PIP4K2A: variants seen among roughly 807,000 people sequenced by gnomAD.
PIP4K2A encodes the protein phosphatidylinositol-5-phosphate 4-kinase type 2 alpha, also known as phosphatidylinositol 5-phosphate 4-kinase type-2 alpha.
Under a neutral mutation model 42.9 loss-of-function variants are expected in PIP4K2A, and 14 were observed. That is an observed-to-expected ratio of 0.33 (90% CI 0.22 to 0.51). The LOEUF (loss-of-function observed/expected upper bound fraction) is 0.51, where lower values mean the gene tolerates loss of function less well. PIP4K2A is among the 20% of genes least tolerant of loss of function. PIP4K2A has a pLI of 0.97. For synonymous variants in PIP4K2A, 192 were observed against 192.2 expected, an observed-to-expected ratio of 1.00 and a Z score of 0.01; for missense variants, 434 against 519.8, an observed-to-expected ratio of 0.83 and a Z score of 1.61.
chr10:22,659,737 G>C (rs1839167370), intron 1 of PIP4K2A: 1 of 152,316 alleles, frequency 6.6e-6, no homozygotes, highest in African/African-American at 2.4e-5. Context: ...GAACCTGGAA[G>C]TGGAAGTTGC....
At chr10:22,653,927 T>C (rs1839042433) in intron 1 of PIP4K2A, among the ~76,000 whole-genome samples, 1 of 152,204 alleles carries the variant, frequency 6.6e-6, no homozygotes, top group South Asian at 2.1e-4. Context: ...AGGTCTGTAT[T>C]CTGAAGAACT....
chr10:22,608,082 C>A, intron 2 of PIP4K2A, 59 bp from the exon 3 acceptor site: 1 of 1,105,266 alleles, frequency 9.0e-7, no homozygotes, highest in Non-Finnish European at 1.4e-6. Context: ...TTGCATCTGC[C>A]ACCACTGAGT....
At chr10:22,566,411 C>T (rs1339160131) in intron 6 of PIP4K2A, among the ~76,000 whole-genome samples, 1 of 152,180 alleles carries the variant, frequency 6.6e-6, no homozygotes, top group African/African-American at 2.4e-5. Context: ...GTGGAATGAA[C>T]ACCTACCTAC....
intron 1 of PIP4K2A, among the ~76,000 whole-genome samples, chr10:22,651,242 C>A (rs928730247): frequency 2.0e-5 from 3 of 152,202 alleles, no homozygotes; most frequent in Non-Finnish European, 2.9e-5. Flanking sequence ...CTGCCTTTCA[C>A]TCTGTCCCTC....
At chr10:22,590,255 T>G (rs970541759) in intron 4 of PIP4K2A, among the ~76,000 whole-genome samples, 1 of 152,244 alleles carries the variant, frequency 6.6e-6, no homozygotes, top group Admixed American at 6.5e-5. Flanking sequence ...CAGCTCAAGC[T>G]GACTAAGGTC....
chr10:22,597,363 G>A (rs148028887), intron 3 of PIP4K2A, among the ~76,000 whole-genome samples: 2 of 152,316 alleles, frequency 1.3e-5, no homozygotes, highest in African/African-American at 4.8e-5. Flanking sequence ...CTGTGGTGAC[G>A]ATGTCAACCC....
At chr10:22,620,887 C>T (rs1456786987) in intron 1 of PIP4K2A, among the ~76,000 whole-genome samples, 1 of 152,242 alleles carries the variant, frequency 6.6e-6, no homozygotes, top group Non-Finnish European at 1.5e-5. Flanking sequence ...GGAAGACACA[C>T]ATAACCTCTT....
chr10:22,642,470 ATAACT>A (rs2130794713), intron 1 of PIP4K2A, among the ~76,000 whole-genome samples: 1 of 152,256 alleles, frequency 6.6e-6, no homozygotes, highest in South Asian at 2.1e-4. Flanking sequence ...ATAATTAAAC[ATAACT>A]TTACCACTTG....
chr10:22,583,698 T>G (rs937026834), intron 4 of PIP4K2A, among the ~76,000 whole-genome samples: 1 of 152,220 alleles, frequency 6.6e-6, no homozygotes, highest in East Asian at 1.9e-4. Context: ...GTCAGAGGCC[T>G]TCCCAAACAT....
chr10:22,657,031 C>T (rs546485775), intron 1 of PIP4K2A, among the ~76,000 whole-genome samples: 13 of 152,200 alleles, frequency 8.5e-5, no homozygotes, highest in African/African-American at 3.1e-4. Context: ...CAGTTCCCAA[C>T]GGGGCCAAGA....
intron 7 of PIP4K2A, among the ~76,000 whole-genome samples, chr10:22,547,650 G>GGGTACTCCT (rs1233377690): frequency 6.6e-6 from 1 of 152,154 alleles, no homozygotes; most frequent in Non-Finnish European, 1.5e-5. Context: ...CCCTGTGAGG[G>GGGTACTCCT]GGTACTCCTG....
At chr10:22,671,743 AATACACACAC>A (rs1839454075) in intron 1 of PIP4K2A, among the ~76,000 whole-genome samples, 1 of 120,456 alleles carries the variant, frequency 8.3e-6, no homozygotes, top group African/African-American at 4.9e-5. Flanking sequence ...TTACTTGGAA[AATACACACAC>A]ACACACACAC....
intron 1 of PIP4K2A, among the ~76,000 whole-genome samples, chr10:22,626,672 C>A (rs570832090): frequency 4.3e-4 from 66 of 152,246 alleles, no homozygotes; most frequent in African/African-American, 1.6e-3. Context: ...GGTATAGATA[C>A]AAATTTACTT....
chr10:22,547,446 C>T (rs1283077026), intron 7 of PIP4K2A, among the ~76,000 whole-genome samples: 1 of 152,184 alleles, frequency 6.6e-6, no homozygotes, highest in Non-Finnish European at 1.5e-5. Flanking sequence ...TCGGCTTCCC[C>T]ATTCATCAAA....
chr10:22,587,559 C>G (rs1033630438), intron 4 of PIP4K2A, among the ~76,000 whole-genome samples: 2 of 152,194 alleles, frequency 1.3e-5, no homozygotes, highest in African/African-American at 4.8e-5. Flanking sequence ...CTCTGAGCAT[C>G]TCAAACCACA....
At chr10:22,591,601 G>C (rs779968493) in intron 4 of PIP4K2A, 28 bp downstream of exon 4, 1 of 1,571,560 alleles carries the variant, frequency 6.4e-7, no homozygotes, top group Non-Finnish European at 8.7e-7. Flanking sequence ...TCTTCTTGGA[G>C]TTTCAAATAA....
intron 7 of PIP4K2A, among the ~76,000 whole-genome samples, chr10:22,546,026 A>C (rs138169680): frequency 4.7e-4 from 72 of 152,260 alleles, no homozygotes; most frequent in African/African-American, 1.7e-3. Context: ...AAATGGGAAA[A>C]ACCAAATATG....
chr10:22,612,207 C>T (rs1291844906), intron 1 of PIP4K2A, among the ~76,000 whole-genome samples: 1 of 152,242 alleles, frequency 6.6e-6, no homozygotes, highest in Admixed American at 6.5e-5. Context: ...ACAGCTCGGA[C>T]ACCAGTCTTT....
intron 1 of PIP4K2A, among the ~76,000 whole-genome samples, chr10:22,611,762 C>T (rs535906832): frequency 1.6e-4 from 25 of 152,238 alleles, no homozygotes; most frequent in African/African-American, 5.8e-4. Context: ...TGAAAAATAA[C>T]AGAAAAAGAA....
Sources: allele counts gnomAD v4.1 joint callset (sites outside exome capture counted in the v4.1 genomes callset), GRCh38; gene constraint gnomAD v4.1.1; transcripts MANE v1.5; gene names NCBI Gene and HGNC (gene_info 2026-07-23, HGNC 2026-07-21).